Variants in ZNF624 observed in about 807,000 individuals in gnomAD.
The protein encoded by ZNF624 is zinc finger protein 624.
Under a neutral mutation model 74.7 loss-of-function variants are expected in ZNF624, and 43 were observed. The observed-to-expected ratio is 0.58, with a 90% CI of 0.45 to 0.74. The LOEUF (loss-of-function observed/expected upper bound fraction) is 0.74, where lower values mean the gene tolerates loss of function less well. Among genes scored for constraint, ZNF624 ranks in the 30% least tolerant of loss-of-function variants. The pLI, the probability that ZNF624 is intolerant of heterozygous loss-of-function variation, is 0.00. For synonymous variants in ZNF624, 331 were observed against 341.3 expected, an observed-to-expected ratio of 0.97 and a Z score of 0.33; for missense variants, 820 against 1,030.0, an observed-to-expected ratio of 0.80 and a Z score of 2.79.
chr17:16,632,541 T>C (rs1383180179), intron 5 of ZNF624, among the ~76,000 whole-genome samples: 1 of 152,212 alleles, frequency 6.6e-6, no homozygotes, highest in Non-Finnish European at 1.5e-5. Context: ...TTTCACTCAC[T>C]CTTTTAAGTA....
intron 5 of ZNF624, among the ~76,000 whole-genome samples, chr17:16,630,948 C>A (rs1238747226): frequency 6.9e-6 from 1 of 144,246 alleles, no homozygotes; most frequent in African/African-American, 2.5e-5. Context: ...ACATAATTAA[C>A]AAACTTAATC....
chr17:16,628,256 C>A (rs983706226), intron 5 of ZNF624, among the ~76,000 whole-genome samples: 2 of 152,062 alleles, frequency 1.3e-5, no homozygotes, highest in African/African-American at 4.8e-5. Context: ...GAGCGAGACT[C>A]TGTCTGCCTC....
intron 3 of ZNF624, among the ~76,000 whole-genome samples, chr17:16,636,191 C>T (rs1375259781): frequency 6.6e-6 from 1 of 152,186 alleles, no homozygotes; most frequent in East Asian, 1.9e-4. Context: ...ATTCATGATA[C>T]ATTATTTTAA....
At position 16,645,643 on chromosome 17, in the gene ZNF624, A is replaced by C. The variant is rs568821348; in HGVS notation, c.153+1686T>G. 1.7e-3 allele frequency among the ~76,000 whole-genome samples: 252 copies of C among 151,760 alleles called. 2 individuals are homozygous for C. The highest frequency in any genetic ancestry group is 5.3e-3 in the African/African-American group (218 of 41,406). The stretch of plus-strand genomic sequence containing the variant: ...TAAAGGACTACGCTACAAAAAAAAA[A>C]AAAACAAAACACTAATTGAAAATGT... On this transcript the variant is annotated intron_variant, in intron 3 of 5. Coordinates refer to ENST00000311331, the MANE Select transcript of ZNF624 (RefSeq NM_020787.4).
Position 16,624,090 on chromosome 17 carries a change from C to A in ZNF624, c.796G>T (p.Gly266Trp). The change falls in exon 6 of 6, where the codon GGG (glycine) becomes TGG (tryptophan). Residue 266 changes from glycine to tryptophan, a missense_variant. Transcript: ENST00000311331. ...AIRQTSELTL[G>W]KKSNNKEKPY... is the part of the protein sequence containing the mutation. ...TTTTCCTTATTATTGGATTTTTTCC[C>A]CAAAGTTAGTTCTGAAGTCTGCCTT... 6.2e-7 allele frequency: 1 copy of A among 1,614,058 alleles called. No homozygotes were observed.
chr17:16,637,168 T>G (rs980658835), intron 3 of ZNF624, among the ~76,000 whole-genome samples: 2 of 152,150 alleles, frequency 1.3e-5, no homozygotes, highest in African/African-American at 4.8e-5. Context: ...TTACAAGGGA[T>G]GTGAAGGACC....
chr17:16,638,358 G>T (rs1253784125), intron 3 of ZNF624, among the ~76,000 whole-genome samples: 1 of 152,112 alleles, frequency 6.6e-6, no homozygotes, highest in Non-Finnish European at 1.5e-5. Context: ...GCCATCCCAT[G>T]ACTGGGTATA....
At chr17:16,646,282 A>C (rs1486231914) in intron 3 of ZNF624, among the ~76,000 whole-genome samples, 3 of 152,188 alleles carry the variant, frequency 2.0e-5, no homozygotes, top group Admixed American at 2.0e-4. Flanking sequence ...TAAGTTTTTA[A>C]GAATCTAAGC....
chr17:16,615,349 G>A, the ZNF624 span, among the ~76,000 whole-genome samples: 13 of 152,128 alleles, frequency 8.5e-5, no homozygotes, highest in African/African-American at 2.9e-4. Context: ...TGCCCGCCTC[G>A]GCCTCCCAAA....
At chr17:16,645,660 TGA>T (rs1264295725) in intron 3 of ZNF624, among the ~76,000 whole-genome samples, 21 of 149,226 alleles carry the variant, frequency 1.4e-4, no homozygotes, top group Non-Finnish European at 2.8e-4. Context: ...AAACACTAAT[TGA>T]AAATGTCAGC....
In ZNF624 at chr17:16,623,724, A is replaced by C. The variant is rs1183740373; in HGVS notation, c.1162T>G (p.Tyr388Asp). Reference sequence around the variant, plus strand: ...GCTTTCCCGCATTCACTACATTTATAGGGTTTCTCTCCAGTTTGAATTCTC... The same window carrying C: ...GCTTTCCCGCATTCACTACATTTATCGGGTTTCTCTCCAGTTTGAATTCTC... ...HQRIQTGEKP[Y>D]KCSECGKAFS... Residue 388 changes from tyrosine (Y) to aspartate (D), a missense_variant, in exon 6 of 6, where the codon TAT becomes GAT. Coordinates refer to ENST00000311331, the MANE Select transcript of ZNF624 (RefSeq NM_020787.4). This position sits in a 1 kb window ranked among gnomAD's most constrained non-coding sequence, Gnocchi z 5.3. 5.0e-6 allele frequency: 8 copies of C among 1,613,392 alleles called. No individual in the cohort carries two copies. The highest frequency in any genetic ancestry group is 5.9e-6 in the Non-Finnish European group (7 of 1,179,844).
intron 5 of ZNF624, among the ~76,000 whole-genome samples, chr17:16,629,843 T>G (rs1446588681): frequency 1.3e-5 from 2 of 152,158 alleles, no homozygotes; most frequent in East Asian, 1.9e-4. Flanking sequence ...ATTACAAGCA[T>G]GAGTCACCAC....
intron 3 of ZNF624, among the ~76,000 whole-genome samples, chr17:16,638,530 C>T (rs1344130962): frequency 4.6e-5 from 7 of 152,076 alleles, no homozygotes; most frequent in Admixed American, 2.6e-4. Flanking sequence ...TACTATGCAG[C>T]CATAAAAAAT....
chr17:16,622,530 C>T lies in ZNF624; in HGVS notation c.2356G>A (p.Gly786Arg). 6.2e-7 allele frequency: 1 copy of T among 1,613,870 alleles called. No individual in the cohort carries two copies. Among genetic ancestry groups the T allele is most frequent in the Non-Finnish European group, 8.5e-7 (1 of 1,179,898 alleles). The part of the protein sequence containing the change: ...GEKPYTCKEC[G>R]KGCITLSQLT... ...TGTGATAGAGTAATACAACCCTTTCCACATTCCTTACAGGTGTAGGGTTTT... is the reference window on the plus strand; with the variant it reads ...TGTGATAGAGTAATACAACCCTTTCTACATTCCTTACAGGTGTAGGGTTTT... Residue 786 changes from glycine (G) to arginine (R), a missense_variant, in exon 6 of 6, where the codon GGA becomes AGA. Physicochemically the swap from Gly to Arg is moderately radical, Grantham distance 125. Transcript: ENST00000311331.
At chr17:16,647,929 A>T (rs1597499591) in intron 2 of ZNF624, among the ~76,000 whole-genome samples, 1 of 151,642 alleles carries the variant, frequency 6.6e-6, no homozygotes, top group East Asian at 1.9e-4. Context: ...ATTTATTTTT[A>T]TTTTTATTTT....
downstream of ZNF624, chr17:16,617,872 C>T: frequency 4.4e-6 from 7 of 1,603,270 alleles, no homozygotes; most frequent in South Asian, 1.1e-5. Context: ...CCTATGTAGA[C>T]GCGCGGCATG....
intron 3 of ZNF624, among the ~76,000 whole-genome samples, chr17:16,638,241 T>A (rs564638089): frequency 6.6e-6 from 1 of 152,074 alleles, no homozygotes; most frequent in Admixed American, 6.6e-5. Context: ...TGTGGAGAAA[T>A]AGGAACACTT....
At chr17:16,636,759 C>T (rs2142615928) in intron 3 of ZNF624, among the ~76,000 whole-genome samples, 1 of 151,862 alleles carries the variant, frequency 6.6e-6, no homozygotes, top group African/African-American at 2.4e-5. Context: ...TGGCATGAAC[C>T]TGGGAGGCGG....
chr17:16,649,715 T>G lies in ZNF624; in HGVS notation c.30A>C (p.Arg10Ser). The change falls in exon 2 of 6, where the codon AGA becomes AGC. Residue 10 changes from arginine to serine, a missense_variant. Arg to Ser is a moderately radical substitution (Grantham distance 110). Coordinates refer to ENST00000311331, the MANE Select transcript of ZNF624 (RefSeq NM_020787.4). ...TAATCTCTCCCTCTGGTTTCCCCTC[T>G]CTGGAAAGAGTGGAGTCTTGCAAAG... is the stretch of plus-strand genomic sequence containing the variant. MSLQDSTLS[R>S]EGKPEGEIMA... 11 of 1,613,938 alleles carry G rather than the reference T, an allele frequency of 6.8e-6. No homozygotes were observed. The highest frequency in any genetic ancestry group is 9.3e-6 in the Non-Finnish European group (11 of 1,179,862).
Sources: gnomAD v4.1 joint callset for allele counts (sites outside exome capture counted in the v4.1 genomes callset) on GRCh38, gnomAD v4.1.1 for gene constraint, Gnocchi (gnomAD v3.1) non-coding constraint, MANE v1.5 for transcripts, NCBI Gene and HGNC (gene_info 2026-07-23, HGNC 2026-07-21) for gene names.